Variants in PCGF5 observed in about 807,000 individuals in gnomAD.
The protein encoded by PCGF5 is polycomb group ring finger 5, also known as polycomb group RING finger protein 5.
PCGF5 carries 9 observed loss-of-function variants against 44.3 expected under a neutral mutation model. That is an observed-to-expected ratio of 0.20 (90% CI 0.12 to 0.35). The LOEUF (loss-of-function observed/expected upper bound fraction) is 0.35, where lower values mean the gene tolerates loss of function less well. Among genes scored for constraint, PCGF5 ranks in the 10% least tolerant of loss-of-function variants. The pLI, the probability that PCGF5 is intolerant of heterozygous loss-of-function variation, is 1.00. For synonymous variants in PCGF5, 95 were observed against 102.5 expected (o/e 0.93, Z 0.44); for missense variants, 146 against 305.3 (o/e 0.48, Z 3.89).
intron 5 of PCGF5, among the ~76,000 whole-genome samples, chr10:91,250,033 T>C (rs951529245): frequency 2.6e-5 from 4 of 152,110 alleles, no homozygotes; most frequent in African/African-American, 9.7e-5. Flanking sequence ...TATCACAGTT[T>C]AACTTGTGAA....
At chr10:91,175,542 C>A (rs1843690294) in intron 1 of PCGF5, among the ~76,000 whole-genome samples, 1 of 152,052 alleles carries the variant, frequency 6.6e-6, no homozygotes, top group Non-Finnish European at 1.5e-5. Context: ...CTTCCCCCTA[C>A]CCCTGTGAAC....
chr10:91,175,235 G>A (rs187248065), intron 1 of PCGF5, among the ~76,000 whole-genome samples: 2 of 152,284 alleles, frequency 1.3e-5, no homozygotes, highest in Non-Finnish European at 2.9e-5. Flanking sequence ...AAGTAAAATA[G>A]AGGTTCTGGA....
intron 1 of PCGF5, among the ~76,000 whole-genome samples, chr10:91,179,540 C>G (rs1022217543): frequency 6.6e-6 from 1 of 152,142 alleles, no homozygotes; most frequent in African/African-American, 2.4e-5. Context: ...TGTTGTTTCC[C>G]TCTGTGTGTC....
intron 1 of PCGF5, among the ~76,000 whole-genome samples, chr10:91,191,933 T>A (rs1311375677): frequency 9.9e-5 from 15 of 152,256 alleles, no homozygotes; most frequent in Non-Finnish European, 4.4e-5. Context: ...TCTCCTGTAG[T>A]AATCTTTATC....
At chr10:91,156,349 T>G in the PCGF5 span, among the ~76,000 whole-genome samples, 14 of 152,242 alleles carry the variant, frequency 9.2e-5, no homozygotes, top group Middle Eastern at 3.4e-3. Flanking sequence ...ATAAGACCAT[T>G]TGATGATTGT....
chr10:91,161,150 C>T (rs112779191), upstream of PCGF5, among the ~76,000 whole-genome samples: 2,572 of 152,326 alleles, frequency 0.017, 84 homozygotes, highest in African/African-American at 0.059. Context: ...TCCAGGGTTC[C>T]GGCTGTCTCC....
intron 2 of PCGF5, among the ~76,000 whole-genome samples, chr10:91,232,222 A>T (rs1320219073): frequency 6.6e-6 from 1 of 152,214 alleles, no homozygotes; most frequent in East Asian, 1.9e-4. Flanking sequence ...AGCAATGCAT[A>T]GGTCATGGTG....
At chr10:91,269,636 T>TA (rs1366454912) in intron 8 of PCGF5, among the ~76,000 whole-genome samples, 16 of 152,172 alleles carry the variant, frequency 1.1e-4, no homozygotes, top group African/African-American at 3.9e-4. Flanking sequence ...TTCAGCAGAG[T>TA]ATGCATGTTT....
At chr10:91,206,220 A>T (rs1219233524) in intron 1 of PCGF5, among the ~76,000 whole-genome samples, 1 of 152,106 alleles carries the variant, frequency 6.6e-6, no homozygotes, top group African/African-American at 2.4e-5. Flanking sequence ...GCCGTCAAGG[A>T]GCTGAACAGC....
intron 8 of PCGF5, among the ~76,000 whole-genome samples, chr10:91,265,775 CA>C (rs1846037441): frequency 2.0e-5 from 3 of 152,102 alleles, no homozygotes; most frequent in Admixed American, 2.0e-4. Flanking sequence ...ATTTGTAAAT[CA>C]GAAGTTTTTT....
At chr10:91,258,039 G>A (rs570545760) in intron 6 of PCGF5, among the ~76,000 whole-genome samples, 5 of 152,178 alleles carry the variant, frequency 3.3e-5, no homozygotes, top group Non-Finnish European at 7.4e-5. Context: ...AGTGCAAGAA[G>A]CCAGACACAA....
chr10:91,272,123 A>G (rs1846193894), intron 9 of PCGF5, among the ~76,000 whole-genome samples: 1 of 152,238 alleles, frequency 6.6e-6, no homozygotes, highest in Non-Finnish European at 1.5e-5. Context: ...CTTGCTTATT[A>G]GCCCTTCCCT....
chr10:91,264,871 A>G (rs1459176732), intron 8 of PCGF5, among the ~76,000 whole-genome samples: 1 of 152,142 alleles, frequency 6.6e-6, no homozygotes, highest in East Asian at 1.9e-4. Context: ...TTCTCCCCTA[A>G]TATGATTAAT....
intron 9 of PCGF5, among the ~76,000 whole-genome samples, chr10:91,274,760 G>C (rs567075719): frequency 6.6e-6 from 1 of 152,318 alleles, no homozygotes; most frequent in East Asian, 1.9e-4. Flanking sequence ...ATCTGAGGTA[G>C]AGCACTGAAG....
chr10:91,164,409 G>C (rs186488334), intron 1 of PCGF5, among the ~76,000 whole-genome samples: 21 of 152,326 alleles, frequency 1.4e-4, no homozygotes, highest in South Asian at 8.3e-4. Context: ...TACATTAACC[G>C]GTTGAGGAGC....
chr10:91,173,252 G>T (rs57588243), intron 1 of PCGF5, among the ~76,000 whole-genome samples: 8,528 of 152,248 alleles, frequency 0.056, 722 homozygotes, highest in African/African-American at 0.19. Flanking sequence ...GTGGGGGATT[G>T]GTTTAGGCCC....
intron 1 of PCGF5, among the ~76,000 whole-genome samples, chr10:91,199,435 A>G (rs1039429130): frequency 6.6e-6 from 1 of 152,210 alleles, no homozygotes; most frequent in Non-Finnish European, 1.5e-5. Context: ...ATACTCCAGC[A>G]TCCCTCAGTC....
At chr10:91,212,665 G>A (rs747701270) in intron 1 of PCGF5, among the ~76,000 whole-genome samples, 4 of 152,150 alleles carry the variant, frequency 2.6e-5, no homozygotes, top group South Asian at 2.1e-4. Context: ...CTTCTATAAC[G>A]CATGCCCACT....
At chr10:91,227,248 TCC>T in intron 2 of PCGF5, 6 of 436,350 alleles carry the variant, frequency 1.4e-5, no homozygotes, top group Admixed American at 3.0e-5. Context: ...CTTTTTTTTT[TCC>T]TGTGTGAACT....
Sources: gnomAD v4.1 joint callset for allele counts (sites outside exome capture counted in the v4.1 genomes callset) on GRCh38, gnomAD v4.1.1 for gene constraint, MANE v1.5 for transcripts, NCBI Gene and HGNC (gene_info 2026-07-23, HGNC 2026-07-21) for gene names.